The following NTRK3 variants were observed in gnomAD, a reference collection of about 807,000 sequenced individuals.
The protein encoded by NTRK3 is neurotrophic receptor tyrosine kinase 3.
NTRK3 carries 24 observed loss-of-function variants against 91.7 expected under a neutral mutation model. The ratio of observed to expected loss-of-function variants is 0.26; its 90% confidence interval spans 0.19 to 0.37. The LOEUF is 0.37. NTRK3 is among the 10% of genes least tolerant of loss of function. The pLI is 1.00. For synonymous variants in NTRK3, 483 were observed against 404.0 expected (o/e 1.20, Z -2.34); for missense variants, 880 against 1,068.9 (o/e 0.82, Z 2.46).
intron 13 of NTRK3, among the ~76,000 whole-genome samples, chr15:88,045,454 C>T (rs184726037): frequency 1.6e-3 from 251 of 152,304 alleles, no homozygotes; most frequent in Admixed American, 4.4e-3. Flanking sequence ...AATTTCACTG[C>T]GTCCCTATTA....
At chr15:87,963,071 CAGA>C (rs1202481523) in intron 14 of NTRK3, among the ~76,000 whole-genome samples, 1 of 152,144 alleles carries the variant, frequency 6.6e-6, no homozygotes, top group Non-Finnish European at 1.5e-5. Flanking sequence ...AATAATGTTT[CAGA>C]AGGAGATAGC....
intron 13 of NTRK3, among the ~76,000 whole-genome samples, chr15:88,071,846 G>A (rs921950386): frequency 1.2e-4 from 18 of 152,080 alleles, no homozygotes; most frequent in African/African-American, 3.9e-4. Flanking sequence ...GCTCTTCTGA[G>A]GCCCCATACT....
At chr15:87,924,913 T>A (rs1168323103) in intron 17 of NTRK3, among the ~76,000 whole-genome samples, 1 of 152,108 alleles carries the variant, frequency 6.6e-6, no homozygotes, top group African/African-American at 2.4e-5. Context: ...CTCATTCCAT[T>A]CCTCCCTGAT....
exon 19 of NTRK3, chr15:87,860,311 A>G (rs2064490404): frequency 4.7e-6 from 1 of 212,920 alleles, no homozygotes; most frequent in Non-Finnish European, 9.5e-6. Flanking sequence ...TATTAAACAT[A>G]AATTACTAAT....
chr15:87,876,691 A>AGATT, exon 19 of NTRK3: 1 of 220,002 alleles, frequency 4.5e-6, no homozygotes. Flanking sequence ...CTGTAGATAT[A>AGATT]GATTGATAGA....
chr15:87,942,002 G>A lies in NTRK3; in HGVS notation c.1586-1249C>T, dbSNP rs78643415. On this transcript the variant is annotated intron_variant, in intron 14 of 18. Transcript: ENST00000394480. ...GAGAAATGAAAGCTGCAGATCCTGG[G>A]CCATGGCAGACCATCCCCATAAATG... Among the ~76,000 whole-genome samples, 1,059 of 152,334 alleles carry A rather than the reference G, an allele frequency of 7.0e-3. 19 individuals carry two copies. Among genetic ancestry groups the A allele is most frequent in the African/African-American group, 0.025 (1,030 of 41,570 alleles).
chr15:87,877,084 G>A (rs773244598), exon 19 of NTRK3: 9 of 1,614,042 alleles, frequency 5.6e-6, no homozygotes, highest in South Asian at 1.1e-5. Flanking sequence ...ACTCGGGGCC[G>A]CTCCAAAACA....
At chr15:88,140,217 T>C (rs1338327886) in intron 6 of NTRK3, among the ~76,000 whole-genome samples, 1 of 152,100 alleles carries the variant, frequency 6.6e-6, no homozygotes, top group Admixed American at 6.5e-5. Flanking sequence ...CAATAGTGTA[T>C]AGGATAAGCT....
chr15:88,112,354 G>C lies in NTRK3; in HGVS notation c.1396+13917C>G, dbSNP rs1054366916. On this transcript the variant is annotated intron_variant, in intron 13 of 18. Transcript: ENST00000394480. ...TATCTTTATAACAGTTACCTCACAG[G>C]GGACTAGCATCACCCATGTTGCTAC... Among the ~76,000 whole-genome samples the C allele has an allele frequency of 2.0e-5, 3 of 152,166 alleles. No individual in the cohort carries two copies. In the East Asian group the frequency reaches 5.8e-4, roughly 29 times the overall value.
chr15:88,151,362 C>A (rs961075064), intron 5 of NTRK3, among the ~76,000 whole-genome samples: 2 of 152,154 alleles, frequency 1.3e-5, no homozygotes, highest in Non-Finnish European at 2.9e-5. Flanking sequence ...GCCAGACACA[C>A]AGATGGCTGA....
intron 3 of NTRK3, among the ~76,000 whole-genome samples, chr15:88,211,806 C>G (rs2049269817): frequency 1.3e-5 from 2 of 152,178 alleles, no homozygotes; most frequent in African/African-American, 4.8e-5. Flanking sequence ...TAGCATAGAT[C>G]CTTCTATAAA....
chr15:88,253,123 A>T (rs984745094), intron 3 of NTRK3: 7 of 152,282 alleles, frequency 4.6e-5, no homozygotes, highest in African/African-American at 9.6e-5. Context: ...TTCTACCCAG[A>T]GTGTGCCCAA....
At chr15:88,204,621 T>C (rs1435941772) in intron 3 of NTRK3, among the ~76,000 whole-genome samples, 12 of 152,186 alleles carry the variant, frequency 7.9e-5, no homozygotes, top group African/African-American at 2.9e-4. Context: ...CCCTTTCCTT[T>C]GCACCCTGCT....
intron 17 of NTRK3, among the ~76,000 whole-genome samples, chr15:87,896,612 G>T (rs1408237802): frequency 6.6e-6 from 1 of 152,032 alleles, no homozygotes; most frequent in Non-Finnish European, 1.5e-5. Context: ...TCACCTGGTA[G>T]AACTCTGTGT....
At chr15:87,904,438 G>A (rs1378386521) in intron 17 of NTRK3, among the ~76,000 whole-genome samples, 1 of 151,866 alleles carries the variant, frequency 6.6e-6, no homozygotes, top group Non-Finnish European at 1.5e-5. Flanking sequence ...TTACAGGCGT[G>A]AGCCACCACG....
chr15:87,993,440 T>G (rs1337531954), intron 14 of NTRK3, among the ~76,000 whole-genome samples: 1 of 152,152 alleles, frequency 6.6e-6, no homozygotes, highest in East Asian at 1.9e-4. Context: ...GATGAAGAAG[T>G]TACTGAAGGT....
chr15:88,144,886 G>C (rs1366611898), intron 6 of NTRK3, among the ~76,000 whole-genome samples: 1 of 152,288 alleles, frequency 6.6e-6, no homozygotes, highest in East Asian at 1.9e-4. Context: ...TTGGGGTACA[G>C]CAGAGGTCCT....
At chr15:88,002,363 A>G (rs995626810) in intron 14 of NTRK3, among the ~76,000 whole-genome samples, 1 of 152,016 alleles carries the variant, frequency 6.6e-6, no homozygotes, top group African/African-American at 2.4e-5. Context: ...AATTTCCACC[A>G]GCAAAGTGAC....
intron 13 of NTRK3, among the ~76,000 whole-genome samples, chr15:88,095,865 C>T (rs975113007): frequency 1.3e-5 from 2 of 152,168 alleles, no homozygotes; most frequent in Admixed American, 1.3e-4. Flanking sequence ...TAACATCTTA[C>T]ATAACCATAA....
Sources: gnomAD v4.1 joint callset for allele counts (sites outside exome capture counted in the v4.1 genomes callset) on GRCh38, gnomAD v4.1.1 for gene constraint, MANE v1.5 for transcripts, NCBI Gene and HGNC (gene_info 2026-07-23, HGNC 2026-07-21) for gene names.